Variants in FAN1 observed in about 807,000 individuals in gnomAD.
The protein encoded by FAN1 is fanconi-associated nuclease 1.
FAN1 carries 91 observed loss-of-function variants against 104.9 expected under a neutral mutation model. The observed-to-expected ratio is 0.87, with a 90% confidence interval of 0.73 to 1.03. The LOEUF (loss-of-function observed/expected upper bound fraction) is 1.03, where lower values mean the gene tolerates loss of function less well. Ranked by LOEUF, FAN1 falls within the 50% of genes least tolerant of loss-of-function variation. FAN1 has a pLI of 0.00. For missense variants in FAN1, 1,263 were observed against 1,239.9 expected (o/e 1.02, Z -0.28); for synonymous variants, 478 against 457.6 (o/e 1.04, Z -0.57).
intron 4 of FAN1, among the ~76,000 whole-genome samples, chr15:30,913,005 C>T (rs1288990086): frequency 1.3e-5 from 2 of 152,182 alleles, no homozygotes; most frequent in East Asian, 1.9e-4. Context: ...CAATGTTATC[C>T]TAGAATAGAG....
rs2061949711 is a variant in FAN1 at position 30,905,292 on chromosome 15, C to T, written c.629C>T (p.Ser210Phe). The change falls in exon 2 of 15, where the codon TCT becomes TTT. Residue 210 changes from serine (S) to phenylalanine (F), a missense_variant. Ser to Phe is a radical substitution (Grantham distance 155). Around this residue, in one of 2 missense-constraint regions of FAN1, gnomAD observed 682 missense variants for 571.1 expected, o/e 1.19. Coordinates refer to ENST00000362065, the MANE Select transcript of FAN1 (RefSeq NM_014967.5). ...EDEDQILENS[S>F]QKENVFKCDS... ...GAGGATCAAATTTTGGAGAACAGTTCTCAAAAAGAAAACGTGTTTAAATGT... is the reference window on the plus strand; with the variant it reads ...GAGGATCAAATTTTGGAGAACAGTTTTCAAAAAGAAAACGTGTTTAAATGT... The T allele has an allele frequency of 6.2e-7, 1 of 1,613,886 alleles. No homozygotes were observed. Among genetic ancestry groups the T allele is most frequent in the Non-Finnish European group, 8.5e-7 (1 of 1,179,974 alleles).
At position 30,925,913 on chromosome 15, in the gene FAN1, A is replaced by T; in HGVS notation, c.2462A>T (p.His821Leu). The T allele has an allele frequency of 6.2e-7, 1 of 1,614,228 alleles. No homozygotes were observed. Among genetic ancestry groups the T allele is most frequent in the Admixed American group, 1.7e-5 (1 of 60,034 alleles). ...TCTGTGGAGGAGCTGGCACTGGCCC[A>T]TTACAGACGCAGCGGTTTTGACCAG... is the stretch of plus-strand genomic sequence containing the variant. Reference protein sequence around the residue: ...LCSVEELALAHYRRSGFDQGI... With the variant: ...LCSVEELALALYRRSGFDQGI... The change falls in exon 10 of 15, where the codon CAT becomes CTT. Residue 821 changes from histidine to leucine, a missense_variant. His to Leu is a moderately conservative substitution (Grantham distance 99). Around this residue, in one of 2 missense-constraint regions of FAN1, gnomAD observed 581 missense variants for 668.8 expected, o/e 0.87. Transcript: ENST00000362065.
chr15:30,927,855 C>G, intron 10 of FAN1: 1 of 985,652 alleles, frequency 1.0e-6, no homozygotes, highest in Non-Finnish European at 1.2e-6. Context: ...TCATCCCACA[C>G]CAGACCCTGC....
rs2062550424 is a variant in FAN1, at chr15:30,929,221, T to TGCACAGACAGCTTCTTCACAA, written c.2615_2635dup (p.Thr872_Ser878dup). ...GACACAGGCATTCCCCCTGGACTTGTGCACAGACAGCTTCTTCACAAGCAG... is the reference window on the plus strand; with the variant it reads ...GACACAGGCATTCCCCCTGGACTTGTGCACAGACAGCTTCTTCACAAGCACAGACAGCTTCTTCACAAGCAG... On this transcript the variant is annotated inframe_insertion, in exon 12 of 15. Transcript: ENST00000362065. 1 of 1,612,658 alleles carries TGCACAGACAGCTTCTTCACAA rather than the reference T, an allele frequency of 6.2e-7. No homozygotes were observed. The highest frequency in any genetic ancestry group is 8.5e-7 in the Non-Finnish European group (1 of 1,179,530).
intron 3 of FAN1, among the ~76,000 whole-genome samples, chr15:30,909,808 C>T (rs2062058807): frequency 6.6e-6 from 1 of 152,244 alleles, no homozygotes; most frequent in African/African-American, 2.4e-5. Flanking sequence ...TTCTCCTTTC[C>T]TTCCCCGCTG....
Position 30,911,109 on chromosome 15 carries a change from A to T in FAN1, c.1577+294A>T, listed in dbSNP as rs749946459. 1.1e-5 allele frequency: 13 copies of T among 1,147,744 alleles called. No individual in the cohort carries two copies. In the African/African-American group the frequency reaches 1.9e-4, roughly 17 times the overall value. 71.1% of individuals were successfully genotyped at this position (1,147,744 alleles called of 1,614,324 possible). The stretch of plus-strand genomic sequence containing the variant: ...AAAAATACAGTTTTAAGTGATTCTT[A>T]TGGGATTTTAAGGTAAACTATTTAG... On this transcript the variant is annotated intron_variant, in intron 4 of 14. Coordinates refer to ENST00000362065, the MANE Select transcript of FAN1 (RefSeq NM_014967.5).
chr15:30,929,124 T>G, intron 11 of FAN1, 79 bp from the exon 12 acceptor site: 1 of 1,267,698 alleles, frequency 7.9e-7, no homozygotes, highest in Non-Finnish European at 1.1e-6. Flanking sequence ...TTTCCAAGTT[T>G]TGTATGTACT....
rs1566931239 is a variant in FAN1 at position 30,929,923 on chromosome 15, T to TATATAATATATAAAATATATATATC, written c.2787+547_2787+548insTATCATATAATATATAAAATATATA. 1.5e-3 allele frequency among the ~76,000 whole-genome samples: 57 copies of TATATAATATATAAAATATATATATC among 38,458 alleles called. No individual in the cohort carries two copies. The East Asian group carries it at 0.021, about 14-fold the overall frequency. The allele number at this position is 38,458 out of a possible 152,430, so 25.2% of individuals were successfully genotyped here. A position where few individuals can be genotyped will look rare whatever the true frequency, so the allele number is the denominator to read the frequency against. Reference sequence around the variant, plus strand: ...TATATAAAATATATAATATATATCATATATAATATATAAAATATATAATAT... The same window carrying TATATAATATATAAAATATATATATC: ...TATATAAAATATATAATATATATCATATATAATATATAAAATATATATATCATATAATATATAAAATATATAATAT... On this transcript the variant is annotated intron_variant, in intron 12 of 14. Transcript: ENST00000362065.
At chr15:30,918,406 C>T in intron 6 of FAN1, 111 bp downstream of exon 6, 1 of 1,111,942 alleles carries the variant, frequency 9.0e-7, no homozygotes, top group South Asian at 1.4e-5. Flanking sequence ...TGTGGTTAAA[C>T]CAGCTGTGGA....
rs766829435 is a variant in FAN1 at position 30,932,221 on chromosome 15, C to CAAAAAAAAA, written c.2916+1563_2916+1571dup. 8.1e-5 allele frequency among the ~76,000 whole-genome samples: 4 copies of CAAAAAAAAA among 49,504 alleles called. 1 individual carries two copies. Among genetic ancestry groups the CAAAAAAAAA allele is most frequent in the Non-Finnish European group, 1.8e-4 (4 of 22,158 alleles). The allele number at this position is 49,504 out of a possible 152,430, so 32.5% of individuals were successfully genotyped here. On this transcript the variant is annotated intron_variant, in intron 13 of 14. Coordinates refer to ENST00000362065, the MANE Select transcript of FAN1 (RefSeq NM_014967.5). ...TGGGCAACAGAGCGAGACTCCATCT[C>CAAAAAAAAA]AAAAAAAAAAAAAAAAAAAAAGCCA...
In FAN1 at chr15:30,930,585, T is replaced by C. The variant is rs140673325; in HGVS notation, c.2830T>C (p.Cys944Arg). ...GGGGGGCCCTGTGCTCAGTGGTGTG[T>C]GCAGGCACCTGGCTGCTGACTTTCG... ...CLGGPVLSGV[C>R]RHLAADFRHC... Residue 944 changes from cysteine to arginine, a missense_variant, in exon 13 of 15, where the codon TGC (cysteine) becomes CGC (arginine). Cys to Arg is a radical substitution (Grantham distance 180). Coordinates refer to ENST00000362065, the MANE Select transcript of FAN1 (RefSeq NM_014967.5). The C allele has an allele frequency of 1.2e-5, 20 of 1,613,120 alleles. No individual in the cohort carries two copies. The African/African-American group carries it at 2.0e-4, about 16-fold the overall frequency.
chr15:30,927,246 C>T (rs2062487088), intron 10 of FAN1: 2 of 985,296 alleles, frequency 2.0e-6, no homozygotes, highest in Non-Finnish European at 1.2e-6. Flanking sequence ...AATGATCTGG[C>T]CTTTATATTC....
At chr15:30,909,931 A>C (rs1273194547) in intron 3 of FAN1, among the ~76,000 whole-genome samples, 2 of 152,198 alleles carry the variant, frequency 1.3e-5, no homozygotes, top group African/African-American at 4.8e-5. Flanking sequence ...GGTTATTACC[A>C]CCTGATAAAT....
In FAN1 at chr15:30,925,126, G is replaced by A. The variant is rs2062426923; in HGVS notation, c.2173-1G>A. The A allele has an allele frequency of 1.2e-6, 2 of 1,611,478 alleles. No homozygotes were observed. Among genetic ancestry groups the A allele is most frequent in the Non-Finnish European group, 1.7e-6 (2 of 1,178,440 alleles). On this transcript the variant is annotated splice_acceptor_variant, in intron 8 of 14. Transcript: ENST00000362065. LOFTEE classifies it high-confidence loss of function. Reference sequence around the variant, plus strand: ...TGATGTGTGACCATGCTCTCTGCCAGACTATCAAGTGCATCACAGAGGGGC... The same window carrying A: ...TGATGTGTGACCATGCTCTCTGCCAAACTATCAAGTGCATCACAGAGGGGC...
chr15:30,933,597 C>T (rs553737142), intron 13 of FAN1, among the ~76,000 whole-genome samples: 37 of 152,222 alleles, frequency 2.4e-4, no homozygotes, highest in African/African-American at 7.9e-4. Flanking sequence ...GTGTGTTTAG[C>T]ATTTGTTGTG....
chr15:30,906,963 C>T (rs932172231), intron 2 of FAN1, among the ~76,000 whole-genome samples: 6 of 152,212 alleles, frequency 3.9e-5, no homozygotes, highest in Non-Finnish European at 7.4e-5. Context: ...GAAATAGGAA[C>T]AGTTTTCCTA....
Position 30,910,729 on chromosome 15 carries a change from G to A in FAN1, c.1491G>A (p.Val497=). Residue 497 remains valine (V), a synonymous_variant, in exon 4 of 15, where the codon GTG becomes GTA. Transcript: ENST00000362065. ...CCAATGGACAGAAACAGCAGCTGGTGGACGCCTTTCTCAAATTGGCCAAAC... is the reference window on the plus strand; with the variant it reads ...CCAATGGACAGAAACAGCAGCTGGTAGACGCCTTTCTCAAATTGGCCAAAC... ...VNPNGQKQQL[V]DAFLKLAKQR... is the part of the protein sequence containing the mutation. 1.2e-6 allele frequency: 2 copies of A among 1,614,042 alleles called. No individual in the cohort carries two copies. The highest frequency in any genetic ancestry group is 1.7e-6 in the Non-Finnish European group (2 of 1,179,978).
intron 10 of FAN1, chr15:30,926,544 CA>C: frequency 1.2e-6 from 1 of 847,540 alleles, no homozygotes; most frequent in Non-Finnish European, 1.4e-6. Flanking sequence ...TAGGAGTTTA[CA>C]AAGCCCAGGT....
chr15:30,942,080 G>A lies in FAN1; in HGVS notation c.*518G>A. On this transcript the variant is annotated 3_prime_UTR_variant, in exon 15 of 15. Coordinates refer to ENST00000362065, the MANE Select transcript of FAN1 (RefSeq NM_014967.5). ...TGTGGAGCTGTAGCTTTTCTATACA[G>A]AAGAGATTTTATTATGTTCCGGGGA... is the stretch of plus-strand genomic sequence containing the variant. 1.2e-6 allele frequency: 2 copies of A among 1,606,660 alleles called. No individual in the cohort carries two copies. Among genetic ancestry groups the A allele is most frequent in the Non-Finnish European group, 1.7e-6 (2 of 1,175,458 alleles).
Sources: allele counts gnomAD v4.1 joint callset (sites outside exome capture counted in the v4.1 genomes callset), GRCh38; gene constraint gnomAD v4.1.1; regional missense constraint gnomAD v4.1.1; transcripts MANE v1.5; gene names NCBI Gene and HGNC (gene_info 2026-07-23, HGNC 2026-07-21).